Variants in PDCD11 observed in about 807,000 individuals in gnomAD.
PDCD11 encodes the protein protein RRP5 homolog.
A neutral mutation model predicts 198.9 loss-of-function variants in PDCD11; 97 were observed. That is an observed-to-expected ratio of 0.49 (90% CI 0.41 to 0.58). The LOEUF (loss-of-function observed/expected upper bound fraction) is 0.58. Among genes scored for constraint, PDCD11 ranks in the 20% least tolerant of loss-of-function variants. The pLI is 0.00. For missense variants in PDCD11, 2,102 were observed against 2,312.7 expected, an observed-to-expected ratio of 0.91 and a Z score of 1.87; for synonymous variants, 893 against 918.0, an observed-to-expected ratio of 0.97 and a Z score of 0.49.
Position 103,432,208 on chromosome 10 carries a change from C to G in PDCD11, c.3448C>G (p.Gln1150Glu). The change falls in exon 22 of 36, where the codon CAG becomes GAG. Residue 1150 changes from glutamine (Q) to glutamate (E), a missense_variant. Physicochemically the swap from Gln to Glu is conservative, Grantham distance 29 (BLOSUM62 2). Coordinates refer to ENST00000369797, the MANE Select transcript of PDCD11 (RefSeq NM_014976.2). ...GAAGATTAAACAGTACCAGGCCGGC[C>G]AGACTGTTACTTGCTTCTTAAAGAA... Reference protein sequence around the residue: ...MEKIKQYQAGQTVTCFLKKYN... With the variant: ...MEKIKQYQAGETVTCFLKKYN... 6.2e-7 allele frequency: 1 copy of G among 1,613,018 alleles called. No individual in the cohort carries two copies. The highest frequency in any genetic ancestry group is 1.1e-5 in the South Asian group (1 of 91,056).
At chr10:103,435,349 T>C (rs1438302354) in intron 25 of PDCD11, among the ~76,000 whole-genome samples, 1 of 152,192 alleles carries the variant, frequency 6.6e-6, no homozygotes, top group African/African-American at 2.4e-5. Flanking sequence ...TAATTGAAAT[T>C]TGTGTAACCA....
Position 103,405,085 on chromosome 10 carries a change from C to A in PDCD11, c.466C>A (p.Leu156Met). Residue 156 changes from leucine (L) to methionine (M), a missense_variant, in exon 5 of 36, where the codon CTG (leucine) becomes ATG (methionine). Coordinates refer to ENST00000369797, the MANE Select transcript of PDCD11 (RefSeq NM_014976.2). ...GMLVRCVVSS[L>M]GITDRGKKSV... is the part of the protein sequence containing the mutation. The stretch of plus-strand genomic sequence containing the variant: ...GCTGGTAAGATGTGTGGTGAGCAGT[C>A]TGGGCATCACAGACAGGGGCAAGAA... The A allele has an allele frequency of 6.2e-7, 1 of 1,614,108 alleles. No homozygotes were observed. The highest frequency in any genetic ancestry group is 1.3e-5 in the African/African-American group (1 of 75,046).
In PDCD11 at chr10:103,406,678, T is replaced by C; in HGVS notation, c.758T>C (p.Val253Ala). ...VEKVKGNGGV[V>A]SLSVGHSEVS... ...AAGGTGAAAGGCAACGGAGGAGTTG[T>C]TAGTCTGTCTGTTGGTCACTCAGAG... Residue 253 changes from valine (V) to alanine (A), a missense_variant, in exon 7 of 36, where the codon GTT (valine) becomes GCT (alanine). Coordinates refer to ENST00000369797, the MANE Select transcript of PDCD11 (RefSeq NM_014976.2). 1.2e-6 allele frequency: 2 copies of C among 1,614,150 alleles called. No homozygotes were observed. Among genetic ancestry groups the C allele is most frequent in the South Asian group, 1.1e-5 (1 of 91,076 alleles).
chr10:103,440,907 C>A, intron 30 of PDCD11, 57 bp downstream of exon 30: 1 of 1,178,162 alleles, frequency 8.5e-7, no homozygotes, highest in Non-Finnish European at 1.2e-6. Flanking sequence ...AGAGCTGGGC[C>A]ATCCTCTGCC....
chr10:103,416,836 G>C (rs946134326), intron 13 of PDCD11, 94 bp downstream of exon 13: 1 of 1,423,632 alleles, frequency 7.0e-7, no homozygotes, highest in South Asian at 1.3e-5. Context: ...CCTTTAGGAG[G>C]CTGAGGAAGA....
rs762650401 is a variant in PDCD11, at chr10:103,423,014, G to A, written c.2524G>A (p.Glu842Lys). The A allele has an allele frequency of 1.6e-5, 25 of 1,582,166 alleles. No individual in the cohort carries two copies. The highest frequency in any genetic ancestry group is 7.0e-5 in the South Asian group (6 of 85,418). The change falls in exon 18 of 36, where the codon GAG becomes AAG. Residue 842 changes from glutamate to lysine, a missense_variant. Transcript: ENST00000369797. ...RDSVLIQTLA[E>K]MTPGMFLDLV... ...CTCTGTGTTGATCCAGACGCTGGCCGAGATGACCCCAGGAATGTTCCTTGA... is the reference window on the plus strand; with the variant it reads ...CTCTGTGTTGATCCAGACGCTGGCCAAGATGACCCCAGGAATGTTCCTTGA...
At chr10:103,430,744 T>C (rs2031897636) in intron 21 of PDCD11, among the ~76,000 whole-genome samples, 1 of 152,154 alleles carries the variant, frequency 6.6e-6, no homozygotes, top group Non-Finnish European at 1.5e-5. Context: ...TCTTTTCATT[T>C]GCTTCTTGGC....
At chr10:103,422,416 T>G (rs1229992478) in intron 17 of PDCD11, among the ~76,000 whole-genome samples, 4 of 151,466 alleles carry the variant, frequency 2.6e-5, no homozygotes, top group Non-Finnish European at 5.9e-5. Context: ...GCTCAATAAA[T>G]GTTTATATTA....
intron 2 of PDCD11, among the ~76,000 whole-genome samples, chr10:103,398,934 A>G (rs565040750): frequency 4.6e-5 from 7 of 152,226 alleles, no homozygotes; most frequent in African/African-American, 1.4e-4. Flanking sequence ...GAATTGCTTG[A>G]ACCAAGAAGG....
chr10:103,444,637 T>C lies in PDCD11; in HGVS notation c.5399T>C (p.Val1800Ala), dbSNP rs1290315852. 7 of 1,614,124 alleles carry C rather than the reference T, an allele frequency of 4.3e-6. No individual in the cohort carries two copies. The highest frequency in any genetic ancestry group is 1.7e-5 in the Admixed American group (1 of 60,024). Residue 1800 changes from valine (V) to alanine (A), a missense_variant, in exon 35 of 36, where the codon GTC becomes GCC. Val to Ala is a moderately conservative substitution (Grantham distance 64). Coordinates refer to ENST00000369797, the MANE Select transcript of PDCD11 (RefSeq NM_014976.2). The part of the protein sequence containing the change: ...TYPKRTDVWS[V>A]YIDMTIKHGS... Reference sequence around the variant, plus strand: ...CCAAAGCGCACAGATGTCTGGTCGGTCTATATCGACATGACCATCAAGCAC... The same window carrying C: ...CCAAAGCGCACAGATGTCTGGTCGGCCTATATCGACATGACCATCAAGCAC...
chr10:103,443,181 C>T lies in PDCD11; in HGVS notation c.4972C>T (p.Leu1658=). 2 of 1,595,466 alleles carry T rather than the reference C, an allele frequency of 1.3e-6. No individual in the cohort carries two copies. Residue 1658 remains leucine (L), a synonymous_variant, in exon 33 of 36, where the codon CTG becomes TTG. Coordinates refer to ENST00000369797, the MANE Select transcript of PDCD11 (RefSeq NM_014976.2). ...TISFREEQEK[L]NVWVALLNLE... ...TCCCTCCAGAGAGGAGCAGGAGAAG[C>T]TGAACGTGTGGGTGGCTCTGCTGAA...
In PDCD11 at chr10:103,445,899, G is replaced by A. The variant is rs544822600; in HGVS notation, c.*350G>A. ...TATTCCCGAGGGTCCTGTGGTCAGGGTCCTGCTTTGTCCCTGGCAGGCTGT... is the reference window on the plus strand; with the variant it reads ...TATTCCCGAGGGTCCTGTGGTCAGGATCCTGCTTTGTCCCTGGCAGGCTGT... On this transcript the variant is annotated 3_prime_UTR_variant, in exon 36 of 36. Coordinates refer to ENST00000369797, the MANE Select transcript of PDCD11 (RefSeq NM_014976.2). 3.5e-4 allele frequency: 75 copies of A among 213,464 alleles called. 1 individual carries two copies. The highest frequency in any genetic ancestry group is 1.8e-3 in the South Asian group (20 of 10,998). The allele number at this position is 213,464 out of a possible 1,614,324, so 13.2% of individuals were successfully genotyped here. A position where few individuals can be genotyped will look rare whatever the true frequency, so the allele number is the denominator to read the frequency against.
Position 103,414,083 on chromosome 10 carries a change from C to G in PDCD11, c.1303C>G (p.Leu435Val). The G allele has an allele frequency of 6.2e-7, 1 of 1,611,296 alleles. No individual in the cohort carries two copies. The highest frequency in any genetic ancestry group is 8.5e-7 in the Non-Finnish European group (1 of 1,178,830). Residue 435 changes from leucine to valine, a missense_variant, in exon 10 of 36, where the codon CTA becomes GTA. Coordinates refer to ENST00000369797, the MANE Select transcript of PDCD11 (RefSeq NM_014976.2). ...AATGGATGAACTGGCCTTGCTCTCT[C>G]TACGAACGTAAGTCTGTCATTAACA... Reference protein sequence around the residue: ...SQMDELALLSLRTSIIEAQYL... With the variant: ...SQMDELALLSVRTSIIEAQYL...
rs1361686925 is a variant in PDCD11, at chr10:103,418,485, G to A, written c.1957G>A (p.Val653Met). The change falls in exon 15 of 36, where the codon GTG becomes ATG. Residue 653 changes from valine (V) to methionine (M), a missense_variant. By Grantham distance (21) the Val-to-Met change is conservative. Transcript: ENST00000369797. ...AGAGAAGACCAAAGATGGGCTGGAGGTGGCTGTCCTGCCCCACAACATCCG... is the reference window on the plus strand; with the variant it reads ...AGAGAAGACCAAAGATGGGCTGGAGATGGCTGTCCTGCCCCACAACATCCG... ...VLEKTKDGLEVAVLPHNIRAF... is the reference protein window; with the variant it reads ...VLEKTKDGLEMAVLPHNIRAF... 2 of 1,614,214 alleles carry A rather than the reference G, an allele frequency of 1.2e-6. No individual in the cohort carries two copies. The highest frequency in any genetic ancestry group is 2.2e-5 in the East Asian group (1 of 44,880).
chr10:103,441,942 C>G lies in PDCD11; in HGVS notation c.4674C>G (p.Asp1558Glu). The G allele has an allele frequency of 6.2e-7, 1 of 1,614,246 alleles. No homozygotes were observed. The highest frequency in any genetic ancestry group is 8.5e-7 in the Non-Finnish European group (1 of 1,180,042). ...PALPPLAESS[D>E]SEEDEKPHQA... ...TGCCACCTCTAGCAGAGAGCTCAGA[C>G]AGCGAGGAGGATGAGAAGCCACACC... Residue 1558 changes from aspartate (D) to glutamate (E), a missense_variant, in exon 31 of 36, where the codon GAC becomes GAG. Coordinates refer to ENST00000369797, the MANE Select transcript of PDCD11 (RefSeq NM_014976.2).
At chr10:103,442,005 T>G in intron 31 of PDCD11, 30 bp downstream of exon 31, 3 of 1,612,460 alleles carry the variant, frequency 1.9e-6, no homozygotes, top group Non-Finnish European at 8.5e-7. Context: ...ATGTCCTTTT[T>G]GCAGGGACCC....
Position 103,432,221 on chromosome 10 carries a change from GCTT to G in PDCD11, c.3465_3467del (p.Phe1155del). ...TACCAGGCCGGCCAGACTGTTACTT[GCTT>G]CTTAAAGAAAGTAAGTAGTTTTGCC... On this transcript the variant is annotated inframe_deletion, in exon 22 of 36. Coordinates refer to ENST00000369797, the MANE Select transcript of PDCD11 (RefSeq NM_014976.2). The G allele has an allele frequency of 6.2e-7, 1 of 1,607,812 alleles. No homozygotes were observed. Among genetic ancestry groups the G allele is most frequent in the Non-Finnish European group, 8.5e-7 (1 of 1,174,256 alleles).
In PDCD11 at chr10:103,442,223, G is replaced by T; in HGVS notation, c.4718G>T (p.Ser1573Ile). The change falls in exon 32 of 36, where the codon AGC becomes ATC. Residue 1573 changes from serine to isoleucine, a missense_variant. Physicochemically the swap from Ser to Ile is moderately radical, Grantham distance 142. Transcript: ENST00000369797. ...TGCTTTCCATAGCAGATAAAGAAAA[G>T]CAAGAAAGAAAGGGAGTTGGAGAAG... ...EKPHQATIKK[S>I]KKERELEKQK... 1.2e-6 allele frequency: 2 copies of T among 1,614,034 alleles called. No homozygotes were observed. The highest frequency in any genetic ancestry group is 2.2e-5 in the South Asian group (2 of 91,086).
In PDCD11 at chr10:103,414,346, T is replaced by C. The variant is rs1051157526; in HGVS notation, c.1371+16T>C. On this transcript the variant is annotated intron_variant, in intron 11 of 35. Transcript: ENST00000369797. ...AGTGGTAAAGGTAAGACCTCAAGCA[T>C]ATAATTAGGTACTGCCTCACCATCA... is the stretch of plus-strand genomic sequence containing the variant. 2 of 1,593,520 alleles carry C rather than the reference T, an allele frequency of 1.3e-6. No individual in the cohort carries two copies. The highest frequency in any genetic ancestry group is 1.7e-5 in the Admixed American group (1 of 59,930).
Sources: allele counts gnomAD v4.1 joint callset (sites outside exome capture counted in the v4.1 genomes callset), GRCh38; gene constraint gnomAD v4.1.1; transcripts MANE v1.5; gene names NCBI Gene and HGNC (gene_info 2026-07-23, HGNC 2026-07-21).